Variants in CNTNAP5 observed in about 807,000 individuals in gnomAD.
CNTNAP5 encodes the protein contactin associated protein family member 5.
CNTNAP5 carries 72 observed loss-of-function variants against 150.2 expected under a neutral mutation model. That is an observed-to-expected ratio of 0.48 (90% CI 0.40 to 0.58). The LOEUF (loss-of-function observed/expected upper bound fraction) is 0.58, where lower values mean the gene tolerates loss of function less well. CNTNAP5 is among the 20% of genes least tolerant of loss of function. The pLI is 0.00. For missense variants in CNTNAP5, 1,636 were observed against 1,626.2 expected (o/e 1.01, Z -0.10); for synonymous variants, 672 against 619.8 (o/e 1.08, Z -1.25).
chr2:124,389,792 C>G (rs1274678811), intron 3 of CNTNAP5, among the ~76,000 whole-genome samples: 1 of 152,040 alleles, frequency 6.6e-6, no homozygotes, highest in African/African-American at 2.4e-5. Context: ...TAGCAAGACC[C>G]TGTCTCTACA....
In CNTNAP5 at chr2:124,479,367, C is replaced by G. The variant is rs568406575; in HGVS notation, c.1062+4485C>G. On this transcript the variant is annotated intron_variant, in intron 7 of 23. Transcript: ENST00000682447. ...AGTCTTCTATCTCTTCTCCCAGAGG[C>G]AAGGAGCATAACATGATTCCCTGGG... Among the ~76,000 whole-genome samples the G allele has an allele frequency of 5.3e-5, 8 of 152,296 alleles. No homozygotes were observed. The South Asian group carries it at 1.7e-3, about 32-fold the overall frequency.
At chr2:124,290,918 T>TTTA (rs1688273770) in intron 3 of CNTNAP5, among the ~76,000 whole-genome samples, 2 of 134,912 alleles carry the variant, frequency 1.5e-5, no homozygotes, top group Admixed American at 7.4e-5. Context: ...TTATTTATTT[T>TTTA]AAGCAGGGAT....
intron 3 of CNTNAP5, among the ~76,000 whole-genome samples, chr2:124,398,924 CTGTA>C (rs1177884706): frequency 1.3e-5 from 2 of 152,114 alleles, no homozygotes; most frequent in African/African-American, 2.4e-5. Flanking sequence ...GGGAGGTGGG[CTGTA>C]TACCAGGTAT....
At chr2:124,154,458 A>G (rs892932419) in intron 1 of CNTNAP5, among the ~76,000 whole-genome samples, 14 of 152,078 alleles carry the variant, frequency 9.2e-5, no homozygotes, top group Admixed American at 7.2e-4. Flanking sequence ...CCAGTGTACA[A>G]CACCTCACAA....
chr2:124,521,545 C>G (rs531644534), intron 8 of CNTNAP5, among the ~76,000 whole-genome samples: 3 of 152,158 alleles, frequency 2.0e-5, no homozygotes, highest in Non-Finnish European at 4.4e-5. Context: ...AGGCCAGTGC[C>G]ATCTGTAACA....
In CNTNAP5 at chr2:124,646,044, T is replaced by A. The variant is rs185258971; in HGVS notation, c.1877-1714T>A. Among the ~76,000 whole-genome samples the A allele has an allele frequency of 1.4e-3, 214 of 152,294 alleles. 1 individual carries two copies. The highest frequency in any genetic ancestry group is 4.6e-3 in the Admixed American group (70 of 15,304). On this transcript the variant is annotated intron_variant, in intron 12 of 23. Transcript: ENST00000682447. ...CAGGTCCCATCTCCAACACTGGGGA[T>A]TACAATTCAACTTGAGATTTGGGCA...
At chr2:124,577,046 C>T (rs187338746) in intron 11 of CNTNAP5, among the ~76,000 whole-genome samples, 98 of 152,308 alleles carry the variant, frequency 6.4e-4, no homozygotes, top group African/African-American at 2.2e-3. Context: ...ATAAATACCT[C>T]CTGTTATCAC....
chr2:124,197,898 G>A (rs1423713216), intron 1 of CNTNAP5, among the ~76,000 whole-genome samples: 2 of 151,760 alleles, frequency 1.3e-5, no homozygotes, highest in African/African-American at 4.8e-5. Context: ...GGAGAATGGC[G>A]TGAACCCGGG....
At chr2:124,095,499 CT>C (rs1456737570) in intron 1 of CNTNAP5, among the ~76,000 whole-genome samples, 1 of 152,084 alleles carries the variant, frequency 6.6e-6, no homozygotes, top group Non-Finnish European at 1.5e-5. Flanking sequence ...TATCCCAGAA[CT>C]TAAAGTTAAA....
chr2:124,299,342 C>T (rs1489392033), intron 3 of CNTNAP5, among the ~76,000 whole-genome samples: 2 of 152,154 alleles, frequency 1.3e-5, no homozygotes, highest in Non-Finnish European at 2.9e-5. Context: ...CCTCCTCCCA[C>T]CCTCCACCCT....
intron 2 of CNTNAP5, among the ~76,000 whole-genome samples, chr2:124,231,800 C>T (rs1170622): frequency 0.18 from 27,408 of 152,050 alleles, 2,784 homozygotes; most frequent in East Asian, 0.35. Flanking sequence ...AGCCTTGGGA[C>T]CCTGTCTCAA....
At chr2:124,744,325 G>A (rs1020328880) in intron 13 of CNTNAP5, among the ~76,000 whole-genome samples, 3 of 152,064 alleles carry the variant, frequency 2.0e-5, no homozygotes, top group Admixed American at 6.6e-5. Context: ...CCACCATGAC[G>A]GTGAGGCCTC....
intron 13 of CNTNAP5, among the ~76,000 whole-genome samples, chr2:124,712,553 G>T (rs1679828543): frequency 6.6e-6 from 1 of 152,150 alleles, no homozygotes; most frequent in South Asian, 2.1e-4. Context: ...AATTCAGGCT[G>T]CTACAATAAA....
At chr2:124,222,883 G>T (rs1686360178) in intron 2 of CNTNAP5, among the ~76,000 whole-genome samples, 1 of 151,960 alleles carries the variant, frequency 6.6e-6, no homozygotes, top group Admixed American at 6.6e-5. Flanking sequence ...CTATTAAAAT[G>T]GGATTCATAA....
At chr2:124,192,000 T>G (rs1049408589) in intron 1 of CNTNAP5, among the ~76,000 whole-genome samples, 1 of 152,128 alleles carries the variant, frequency 6.6e-6, no homozygotes, top group Admixed American at 6.5e-5. Context: ...TTTGAGACAT[T>G]CCTGGAATCC....
intron 3 of CNTNAP5, among the ~76,000 whole-genome samples, chr2:124,361,844 G>C (rs1183893624): frequency 2.6e-5 from 4 of 152,244 alleles, no homozygotes; most frequent in East Asian, 1.9e-4. Context: ...CACCCAGTTC[G>C]AGCTTCCCAG....
chr2:124,080,282 G>A (rs1682530587), intron 1 of CNTNAP5, among the ~76,000 whole-genome samples: 1 of 152,100 alleles, frequency 6.6e-6, no homozygotes, highest in Non-Finnish European at 1.5e-5. Context: ...AAAATATTTA[G>A]TAAGCTAAAA....
At chr2:124,905,130 T>TTG (rs1243301176) in intron 22 of CNTNAP5, among the ~76,000 whole-genome samples, 58 of 147,662 alleles carry the variant, frequency 3.9e-4, no homozygotes, top group African/African-American at 1.3e-3. Context: ...TTTTTTGTTT[T>TTG]TTTTTTTTTC....
intron 23 of CNTNAP5, among the ~76,000 whole-genome samples, chr2:124,912,412 G>A (rs1678675398): frequency 6.6e-6 from 1 of 152,018 alleles, no homozygotes; most frequent in Admixed American, 6.6e-5. Context: ...AGGAATATGG[G>A]GATGAATGAG....
Sources: allele counts gnomAD v4.1 joint callset (sites outside exome capture counted in the v4.1 genomes callset), GRCh38; gene constraint gnomAD v4.1.1; transcripts MANE v1.5; gene names NCBI Gene and HGNC (gene_info 2026-07-23, HGNC 2026-07-21).